The following GLIS3 variants were observed in gnomAD, a reference collection of about 807,000 sequenced individuals.
GLIS3 encodes GLIS family zinc finger 3, also known as zinc finger protein GLIS3.
GLIS3 carries 53 observed loss-of-function variants against 78.6 expected under a neutral mutation model. That is an observed-to-expected ratio of 0.67 (90% CI 0.54 to 0.85). The LOEUF is 0.85. Ranked by LOEUF, GLIS3 falls within the 40% of genes least tolerant of loss-of-function variation. The pLI is 0.00. For missense variants in GLIS3, 1,703 were observed against 1,231.1 expected, an observed-to-expected ratio of 1.38 and a Z score of -5.74; for synonymous variants, 684 against 509.9, an observed-to-expected ratio of 1.34 and a Z score of -4.60.
At chr9:3,944,376 A>C (rs190198775) in intron 4 of GLIS3, among the ~76,000 whole-genome samples, 2 of 152,356 alleles carry the variant, frequency 1.3e-5, no homozygotes, top group Admixed American at 6.5e-5. Context: ...AAGAACATTC[A>C]CAGTGCAACA....
the GLIS3 span, among the ~76,000 whole-genome samples, chr9:4,462,057 T>C: frequency 2.0e-3 from 308 of 152,258 alleles, no homozygotes; most frequent in African/African-American, 7.2e-3. Context: ...ACGAAGTGAG[T>C]TGGCATGTCT....
chr9:4,267,944 C>CGTGTGTGTGT (rs757545130), intron 2 of GLIS3, among the ~76,000 whole-genome samples: 434 of 150,000 alleles, frequency 2.9e-3, no homozygotes, highest in Middle Eastern at 0.01. Flanking sequence ...TATAAAAATA[C>CGTGTGTGTGT]CTGTGTGTGT....
chr9:4,343,437 A>G (rs1260732418), intron 2 of GLIS3, among the ~76,000 whole-genome samples: 1 of 152,354 alleles, frequency 6.6e-6, no homozygotes, highest in East Asian at 1.9e-4. Flanking sequence ...AGTTGTGGAG[A>G]AAAAGGAATG....
chr9:4,171,357 A>G (rs1397188834), intron 2 of GLIS3, among the ~76,000 whole-genome samples: 4 of 152,242 alleles, frequency 2.6e-5, no homozygotes, highest in Admixed American at 2.0e-4. Flanking sequence ...TTCCGTAGAT[A>G]CTGCTTAGAG....
intron 4 of GLIS3, among the ~76,000 whole-genome samples, chr9:4,010,447 T>C (rs937337889): frequency 2.0e-5 from 3 of 152,136 alleles, no homozygotes; most frequent in African/African-American, 7.2e-5. Context: ...GAATACTCCA[T>C]ATCTCCAAGT....
At chr9:4,183,488 C>A (rs1282602419) in intron 2 of GLIS3, among the ~76,000 whole-genome samples, 4 of 152,154 alleles carry the variant, frequency 2.6e-5, no homozygotes, top group Non-Finnish European at 4.4e-5. Flanking sequence ...TAGTCCAGCA[C>A]ACTATACTGA....
In GLIS3 at chr9:4,197,234, C is replaced by G. The variant is rs117794703; in HGVS notation, c.389-71293G>C. ...TGGACTAGGAGCCTGAGTTGCCCCA[C>G]CTTCCCTATGCAGAGATGCTGTGCA... On this transcript the variant is annotated intron_variant, in intron 2 of 10. Transcript: ENST00000381971. Among the ~76,000 whole-genome samples, 742 of 151,946 alleles carry G rather than the reference C, an allele frequency of 4.9e-3. 3 individuals are homozygous for G. Among genetic ancestry groups the G allele is most frequent in the Non-Finnish European group, 7.3e-3 (498 of 67,946 alleles).
the GLIS3 span, among the ~76,000 whole-genome samples, chr9:4,363,739 A>C: frequency 6.6e-6 from 1 of 152,134 alleles, no homozygotes; most frequent in African/African-American, 2.4e-5. Flanking sequence ...CTCTACCCAT[A>C]GAAATTTCAT....
intron 4 of GLIS3, among the ~76,000 whole-genome samples, chr9:4,106,059 G>C (rs1362987163): frequency 1.3e-5 from 2 of 152,136 alleles, no homozygotes; most frequent in Non-Finnish European, 2.9e-5. Flanking sequence ...GAAACAAACG[G>C]CACCTGTCCC....
chr9:4,253,462 C>G (rs961730186), intron 2 of GLIS3, among the ~76,000 whole-genome samples: 1 of 152,224 alleles, frequency 6.6e-6, no homozygotes, highest in African/African-American at 2.4e-5. Context: ...CTCCCCCGAC[C>G]AAGCTCGAGC....
chr9:4,381,030 A>C, the GLIS3 span, among the ~76,000 whole-genome samples: 1 of 152,180 alleles, frequency 6.6e-6, no homozygotes, highest in African/African-American at 2.4e-5. Flanking sequence ...AGGGATGGTC[A>C]AATTGTTGAT....
chr9:4,018,716 T>A (rs1005122844), intron 4 of GLIS3, among the ~76,000 whole-genome samples: 3 of 152,078 alleles, frequency 2.0e-5, no homozygotes, highest in African/African-American at 7.2e-5. Flanking sequence ...TGATGCCCAA[T>A]CCCCTGGAAG....
At chr9:3,948,088 A>T (rs1050094512) in intron 4 of GLIS3, among the ~76,000 whole-genome samples, 6 of 152,218 alleles carry the variant, frequency 3.9e-5, no homozygotes, top group Non-Finnish European at 7.3e-5. Flanking sequence ...TAGGATTGAC[A>T]ATCTTTTGTG....
chr9:4,258,531 T>C (rs1185693537), intron 2 of GLIS3, among the ~76,000 whole-genome samples: 1 of 152,188 alleles, frequency 6.6e-6, no homozygotes, highest in Non-Finnish European at 1.5e-5. Flanking sequence ...TCTAAAATTA[T>C]CCTGAAAGAA....
chr9:4,471,113 A>G, the GLIS3 span, among the ~76,000 whole-genome samples: 1 of 152,228 alleles, frequency 6.6e-6, no homozygotes, highest in Non-Finnish European at 1.5e-5. Context: ...AGAGGACACA[A>G]ACAAATGGAA....
chr9:3,849,628 C>G (rs1819295334), intron 9 of GLIS3, among the ~76,000 whole-genome samples: 2 of 152,072 alleles, frequency 1.3e-5, no homozygotes, highest in Non-Finnish European at 2.9e-5. Flanking sequence ...TGAGAGAAGG[C>G]TAAGGGCGGT....
intron 6 of GLIS3, among the ~76,000 whole-genome samples, chr9:3,908,388 A>C (rs374328661): frequency 3.3e-5 from 5 of 152,172 alleles, no homozygotes; most frequent in East Asian, 3.8e-4. Context: ...ATGGACATAG[A>C]CTTGTGACAA....
At chr9:4,021,365 C>T (rs1371459666) in intron 4 of GLIS3, among the ~76,000 whole-genome samples, 1 of 152,062 alleles carries the variant, frequency 6.6e-6, no homozygotes, top group Admixed American at 6.6e-5. Flanking sequence ...TTCTCATGGT[C>T]CTTTGCAAAA....
chr9:4,275,913 A>G (rs1826939149), intron 2 of GLIS3, among the ~76,000 whole-genome samples: 1 of 152,208 alleles, frequency 6.6e-6, no homozygotes, highest in Non-Finnish European at 1.5e-5. Context: ...ATCACATGAG[A>G]TAATCAATAT....
Sources: allele counts gnomAD v4.1 joint callset (sites outside exome capture counted in the v4.1 genomes callset), GRCh38; gene constraint gnomAD v4.1.1; transcripts MANE v1.5; gene names NCBI Gene and HGNC (gene_info 2026-07-23, HGNC 2026-07-21).